The following WDR5 variants were observed in gnomAD, a reference collection of about 807,000 sequenced individuals.
The protein encoded by WDR5 is WD repeat-containing protein 5.
For missense variants in WDR5, 187 were observed against 416.9 expected (o/e 0.45, Z 4.80); for synonymous variants, 144 against 161.6 (o/e 0.89, Z 0.83).
chr9:134,156,019 G>A (rs181679190), intron 12 of WDR5, among the ~76,000 whole-genome samples: 1 of 152,368 alleles, frequency 6.6e-6, no homozygotes, highest in East Asian at 1.9e-4. Flanking sequence ...CACCTTCCGA[G>A]GGCGCTGGGA....
chr9:134,136,172 C>G lies in WDR5; in HGVS notation c.-87C>G, dbSNP rs181644608. ...GCGGCGGCCGACGCGACGCCCCGAGCGCCCGGCCCCGCCGCCGCGGCCCGG... is the reference window on the plus strand; with the variant it reads ...GCGGCGGCCGACGCGACGCCCCGAGGGCCCGGCCCCGCCGCCGCGGCCCGG... On this transcript the variant is annotated 5_prime_UTR_variant, in exon 1 of 14. Transcript: ENST00000358625. The G allele has an allele frequency of 6.8e-6, 1 of 147,520 alleles. No individual in the cohort carries two copies. Among genetic ancestry groups the G allele is most frequent in the Admixed American group, 6.7e-5 (1 of 14,884 alleles). The allele number at this position is 147,520 out of a possible 1,614,324, so 9.1% of individuals were successfully genotyped here. A position where few individuals can be genotyped will look rare whatever the true frequency, so the allele number is the denominator to read the frequency against.
chr9:134,157,795 T>A lies in WDR5; in HGVS notation c.905-98T>A. 8.5e-7 allele frequency: 1 copy of A among 1,183,354 alleles called. No individual in the cohort carries two copies. Among genetic ancestry groups the A allele is most frequent in the Non-Finnish European group, 1.2e-6 (1 of 812,018 alleles). The allele number at this position is 1,183,354 out of a possible 1,614,324, so 73.3% of individuals were successfully genotyped here. On this transcript the variant is annotated intron_variant, in intron 13 of 13. Coordinates refer to ENST00000358625, the MANE Select transcript of WDR5 (RefSeq NM_017588.3). The surrounding 1 kb of genome is among the most constrained non-coding windows in gnomAD (Gnocchi z 5.0). The stretch of plus-strand genomic sequence containing the variant: ...GACCTCCCAGGTGGCGGGCAGGCGC[T>A]ACCCGCGTTTCTGGAGAAAGGTGGA...
At chr9:134,137,378 T>C (rs1831618938) in intron 1 of WDR5, among the ~76,000 whole-genome samples, 2 of 151,694 alleles carry the variant, frequency 1.3e-5, no homozygotes, top group Non-Finnish European at 2.9e-5. Flanking sequence ...GACACCTGAG[T>C]GTTCATGAAA....
At position 134,142,692 on chromosome 9, in the gene WDR5, G is replaced by A. The variant is rs1213763779; in HGVS notation, c.501G>A (p.Leu167=). 6.2e-7 allele frequency: 1 copy of A among 1,613,906 alleles called. No homozygotes were observed. Among genetic ancestry groups the A allele is most frequent in the East Asian group, 2.2e-5 (1 of 44,868 alleles). ...DVKTGKCLKT[L]PAHSDPVSAV... ...AAACAGGGAAGTGCCTCAAGACTTT[G>A]CCAGCTCACTCGGATCCAGTCTCGG... The change falls in exon 7 of 14, where the codon TTG becomes TTA. Residue 167 remains leucine (L), a synonymous_variant. Transcript: ENST00000358625.
intron 7 of WDR5, among the ~76,000 whole-genome samples, chr9:134,143,845 T>C (rs35985804): frequency 0.076 from 11,231 of 148,612 alleles, 873 homozygotes; most frequent in African/African-American, 0.2. Context: ...AAAAAAAAAA[T>C]CAAGAACAAA....
Position 134,148,362 on chromosome 9 carries a change from C to T in WDR5, c.584+19C>T. The stretch of plus-strand genomic sequence containing the variant: ...GTCTCTGGTAAGTGAAAACATTTTA[C>T]TTCATGAAGCGATGAGTGCTTAACT... On this transcript the variant is annotated intron_variant, in intron 8 of 13. Coordinates refer to ENST00000358625, the MANE Select transcript of WDR5 (RefSeq NM_017588.3). The T allele has an allele frequency of 1.2e-6, 2 of 1,608,796 alleles. No homozygotes were observed. The highest frequency in any genetic ancestry group is 1.7e-6 in the Non-Finnish European group (2 of 1,175,430).
At position 134,136,117 on chromosome 9, in the gene WDR5, T is replaced by G. The variant is rs1831533363; in HGVS notation, c.-142T>G. 7.5e-6 allele frequency: 1 copy of G among 133,126 alleles called. No homozygotes were observed. The highest frequency in any genetic ancestry group is 2.5e-4 in the South Asian group (1 of 3,944). The allele number at this position is 133,126 out of a possible 1,614,324, so 8.2% of individuals were successfully genotyped here. A position where few individuals can be genotyped will look rare whatever the true frequency, so the allele number is the denominator to read the frequency against. On this transcript the variant is annotated 5_prime_UTR_variant, in exon 1 of 14. Transcript: ENST00000358625. Reference sequence around the variant, plus strand: ...CCTGGCGCCCGCCCGAGCTGCCGCCTTGTCGAGCTGAGTCCGCGCTCCCGC... The same window carrying G: ...CCTGGCGCCCGCCCGAGCTGCCGCCGTGTCGAGCTGAGTCCGCGCTCCCGC...
intron 7 of WDR5, among the ~76,000 whole-genome samples, chr9:134,143,893 C>G (rs772027837): frequency 1.3e-5 from 2 of 151,948 alleles, no homozygotes; most frequent in African/African-American, 2.4e-5. Context: ...ATAAACCGCT[C>G]CATTTCACAA....
chr9:134,152,488 G>A (rs753057938), intron 9 of WDR5, among the ~76,000 whole-genome samples: 5 of 152,228 alleles, frequency 3.3e-5, no homozygotes, highest in Admixed American at 6.5e-5. Flanking sequence ...GGGACGTGGC[G>A]TGGCCTGGAT....
intron 11 of WDR5, 24 bp downstream of exon 11, chr9:134,155,397 C>T (rs1365130441): frequency 1.3e-6 from 2 of 1,593,420 alleles, no homozygotes; most frequent in Non-Finnish European, 1.7e-6. Flanking sequence ...GGCTTGGGCC[C>T]CCATGGTGCA....
intron 1 of WDR5, among the ~76,000 whole-genome samples, 158 bp downstream of exon 1, chr9:134,136,358 AC>A (rs1196392230): frequency 2.7e-5 from 4 of 147,946 alleles, no homozygotes; most frequent in Non-Finnish European, 6.0e-5. Context: ...CCCGCCCGGG[AC>A]CCCCGCCCCG....
rs1832815766 is a variant in WDR5, at chr9:134,157,783, G to C, written c.905-110G>C. The C allele has an allele frequency of 3.1e-6, 3 of 973,452 alleles. No homozygotes were observed. The highest frequency in any genetic ancestry group is 4.7e-6 in the Non-Finnish European group (3 of 636,844). The allele number at this position is 973,452 out of a possible 1,614,324, so 60.3% of individuals were successfully genotyped here. On this transcript the variant is annotated intron_variant, in intron 13 of 13. Coordinates refer to ENST00000358625, the MANE Select transcript of WDR5 (RefSeq NM_017588.3). This position sits in a 1 kb window ranked among gnomAD's most constrained non-coding sequence, Gnocchi z 5.0. ...TGCTTGTCCTGTGACCTCCCAGGTG[G>C]CGGGCAGGCGCTACCCGCGTTTCTG...
At position 134,142,548 on chromosome 9, in the gene WDR5, G is replaced by A. The variant is rs375505081; in HGVS notation, c.445-88G>A. 3.0e-5 allele frequency: 46 copies of A among 1,558,378 alleles called. 1 individual carries two copies. The African/African-American group carries it at 4.6e-4, about 16-fold the overall frequency. On this transcript the variant is annotated intron_variant, in intron 6 of 13. Transcript: ENST00000358625. Reference sequence around the variant, plus strand: ...GAGTCCTTTCTGTGCTGTTTGTGGGGAGGATGGGCTGATAGCAGGTCTTAG... The same window carrying A: ...GAGTCCTTTCTGTGCTGTTTGTGGGAAGGATGGGCTGATAGCAGGTCTTAG...
At chr9:134,146,969 A>G (rs1320846411) in intron 7 of WDR5, among the ~76,000 whole-genome samples, 1 of 152,216 alleles carries the variant, frequency 6.6e-6, no homozygotes, top group Non-Finnish European at 1.5e-5. Flanking sequence ...GGGCTGCAGT[A>G]CCCAGCATGC....
rs1028828021 is a variant in WDR5, at chr9:134,154,826, C to T, written c.707+285C>T. 1.4e-4 allele frequency among the ~76,000 whole-genome samples: 21 copies of T among 152,212 alleles called. 1 individual carries two copies. Among genetic ancestry groups the T allele is most frequent in the East Asian group, 5.8e-4 (3 of 5,190 alleles). On this transcript the variant is annotated intron_variant, in intron 10 of 13. Transcript: ENST00000358625. ...GCCTAGCCATCCCGCATGAAGGAGT[C>T]GGCGGTCCGGGGGCCTCCAAGGCCC...
rs116403551 is a variant in WDR5, at chr9:134,143,521, G to A, written c.528+802G>A. Among the ~76,000 whole-genome samples, 967 of 149,978 alleles carry A rather than the reference G, an allele frequency of 6.4e-3. 12 individuals carry two copies. The highest frequency in any genetic ancestry group is 0.022 in the African/African-American group (894 of 41,186). ...GCACCACTGCCTGGGTGACGAGAGC[G>A]AAACTCTGTCTTTTTTTTTTTTTGA... On this transcript the variant is annotated intron_variant, in intron 7 of 13. Transcript: ENST00000358625.
At chr9:134,144,539 A>G (rs1228082300) in intron 7 of WDR5, among the ~76,000 whole-genome samples, 1 of 152,174 alleles carries the variant, frequency 6.6e-6, no homozygotes, top group South Asian at 2.1e-4. Flanking sequence ...ACGTTTGCTC[A>G]TAAAAAAACA....
rs1342008310 is a variant in WDR5, at chr9:134,149,739, C to G, written c.584+1396C>G. Among the ~76,000 whole-genome samples, 6 of 152,150 alleles carry G rather than the reference C, an allele frequency of 3.9e-5. 1 individual carries two copies. The highest frequency in any genetic ancestry group is 1.5e-5 in the Non-Finnish European group (1 of 68,026). ...ATATAAGATGTCTTCTTTGATGAGGCTAGTAATGAAAGCCTTTTAAGTCCC... is the reference window on the plus strand; with the variant it reads ...ATATAAGATGTCTTCTTTGATGAGGGTAGTAATGAAAGCCTTTTAAGTCCC... On this transcript the variant is annotated intron_variant, in intron 8 of 13. Transcript: ENST00000358625.
Position 134,142,046 on chromosome 9 carries a change from A to G in WDR5, c.354+8A>G. Reference sequence around the variant, plus strand: ...ATATGGGACGTGAGCTCGGTAAGTGACACTCAGTGCTTCTCTCCAGGGGAG... The same window carrying G: ...ATATGGGACGTGAGCTCGGTAAGTGGCACTCAGTGCTTCTCTCCAGGGGAG... On this transcript the variant is annotated splice_region_variant and intron_variant, in intron 5 of 13. Transcript: ENST00000358625. 2.5e-6 allele frequency: 4 copies of G among 1,613,486 alleles called. No homozygotes were observed. Among genetic ancestry groups the G allele is most frequent in the Non-Finnish European group, 3.4e-6 (4 of 1,179,566 alleles).
Sources: allele counts gnomAD v4.1 joint callset (sites outside exome capture counted in the v4.1 genomes callset), GRCh38; gene constraint gnomAD v4.1.1; non-coding constraint Gnocchi (gnomAD v3.1); transcripts MANE v1.5; gene names NCBI Gene and HGNC (gene_info 2026-07-23, HGNC 2026-07-21).